EPM2A: variants seen among roughly 807,000 people sequenced by gnomAD.
EPM2A encodes laforin.
A neutral mutation model predicts 26.5 loss-of-function variants in EPM2A; 21 were observed. That is an observed-to-expected ratio of 0.79 (90% CI 0.56 to 1.14). The LOEUF (loss-of-function observed/expected upper bound fraction) is 1.14. Ranked by LOEUF, EPM2A falls within the 50% of genes most tolerant of loss-of-function variation. The probability of loss-of-function intolerance (pLI) is 0.00; values close to 1 mark genes in which losing one functional copy is unlikely to be tolerated. For synonymous variants in EPM2A, 217 were observed against 177.6 expected, an observed-to-expected ratio of 1.22 and a Z score of -1.76; for missense variants, 458 against 440.8, an observed-to-expected ratio of 1.04 and a Z score of -0.35.
chr6:145,617,276 GT>G (rs1186279720), intron 2 of EPM2A, among the ~76,000 whole-genome samples: 2 of 152,138 alleles, frequency 1.3e-5, no homozygotes, highest in African/African-American at 2.4e-5. Flanking sequence ...CATATGAGAT[GT>G]GCCGTTCACC....
At chr6:145,472,409 T>C (rs1391664470) in intron 4 of EPM2A, among the ~76,000 whole-genome samples, 1 of 151,730 alleles carries the variant, frequency 6.6e-6, no homozygotes, top group Non-Finnish European at 1.5e-5. Flanking sequence ...GACTTTGTTT[T>C]GCACCTTAGG....
intron 2 of EPM2A, among the ~76,000 whole-genome samples, chr6:145,512,441 G>A (rs4896817): frequency 0.017 from 2,534 of 151,994 alleles, 32 homozygotes; most frequent in Admixed American, 0.04. Context: ...CAGGCCGGGC[G>A]TGGTGGCTCA....
chr6:145,654,416 T>C (rs1168941905), intron 2 of EPM2A, among the ~76,000 whole-genome samples: 1 of 152,104 alleles, frequency 6.6e-6, no homozygotes, highest in African/African-American at 2.4e-5. Context: ...AATACTGTAT[T>C]AAAGCACAGA....
chr6:145,696,498 T>C (rs1230084554), intron 1 of EPM2A, among the ~76,000 whole-genome samples: 1 of 152,126 alleles, frequency 6.6e-6, no homozygotes, highest in Non-Finnish European at 1.5e-5. Context: ...TCCACATATA[T>C]ACTCATATCA....
rs1781379010 is a variant in EPM2A, at chr6:145,598,588, G to A, written c.340+36657C>T. ...TACTCTGTTGATAGTTTCTTTTGCT[G>A]TACAGAAACTCTTAAGTTTAATTAG... On this transcript the variant is annotated intron_variant, in intron 2 of 3. Coordinates refer to the EPM2A transcript ENST00000450221. 2.6e-5 allele frequency among the ~76,000 whole-genome samples: 4 copies of A among 151,940 alleles called. No homozygotes were observed. The South Asian group carries it at 8.3e-4, about 32-fold the overall frequency.
At chr6:145,663,466 A>G (rs997239169) in intron 2 of EPM2A, among the ~76,000 whole-genome samples, 1 of 152,246 alleles carries the variant, frequency 6.6e-6, no homozygotes, top group Non-Finnish European at 1.5e-5. Context: ...GGGGTCAGGG[A>G]GTTCCCTTTC....
chr6:145,595,437 C>T lies in EPM2A; in HGVS notation c.340+39808G>A, dbSNP rs899809337. Among the ~76,000 whole-genome samples the T allele has an allele frequency of 4.6e-5, 7 of 151,484 alleles. No homozygotes were observed. In the South Asian group the frequency reaches 1.3e-3, roughly 27 times the overall value. Reference sequence around the variant, plus strand: ...TAAAAAAAAAAAACTTATAGCAACTCAGATTGCTTTATCCTTTTAATTTAA... The same window carrying T: ...TAAAAAAAAAAAACTTATAGCAACTTAGATTGCTTTATCCTTTTAATTTAA... On this transcript the variant is annotated intron_variant, in intron 2 of 3. Coordinates refer to the EPM2A transcript ENST00000450221.
At chr6:145,387,027 C>T (rs1778271851) in intron 4 of EPM2A, among the ~76,000 whole-genome samples, 3 of 152,144 alleles carry the variant, frequency 2.0e-5, no homozygotes, top group Admixed American at 2.0e-4. Flanking sequence ...CAGATACCCA[C>T]TTGTTTTGGG....
downstream of EPM2A, among the ~76,000 whole-genome samples, chr6:145,497,004 G>C (rs114811675): frequency 1.3e-5 from 2 of 152,234 alleles, no homozygotes; most frequent in Non-Finnish European, 2.9e-5. Flanking sequence ...GTTAGAATGT[G>C]CTCCTTTAGC....
chr6:145,472,583 T>C (rs974153065), intron 4 of EPM2A, among the ~76,000 whole-genome samples: 5 of 151,794 alleles, frequency 3.3e-5, no homozygotes, highest in Non-Finnish European at 7.4e-5. Flanking sequence ...ACAAGCTAAC[T>C]TAAGAGACCA....
chr6:145,522,622 A>ACGG (rs1197344447), intron 2 of EPM2A, among the ~76,000 whole-genome samples: 1 of 152,156 alleles, frequency 6.6e-6, no homozygotes, highest in Non-Finnish European at 1.5e-5. Flanking sequence ...TTTGATTATT[A>ACGG]CGGCAATTTC....
chr6:145,500,920 T>C (rs1016924168), downstream of EPM2A, among the ~76,000 whole-genome samples: 1 of 152,144 alleles, frequency 6.6e-6, no homozygotes, highest in Non-Finnish European at 1.5e-5. Flanking sequence ...GATGTGTAGA[T>C]TCTATTTATT....
intron 2 of EPM2A, among the ~76,000 whole-genome samples, chr6:145,527,890 CA>C (rs538519820): frequency 2.0e-4 from 29 of 145,328 alleles, no homozygotes; most frequent in Middle Eastern, 7.1e-3. Context: ...GTTGTGAATG[CA>C]AAAAAAAAGT....
chr6:145,452,154 T>A (rs1025487889), intron 4 of EPM2A, among the ~76,000 whole-genome samples: 1 of 152,182 alleles, frequency 6.6e-6, no homozygotes, highest in African/African-American at 2.4e-5. Context: ...ATTCTCCAAA[T>A]CCAGACATCA....
chr6:145,445,068 G>C (rs1779113632), intron 4 of EPM2A, among the ~76,000 whole-genome samples: 1 of 152,016 alleles, frequency 6.6e-6, no homozygotes, highest in South Asian at 2.1e-4. Context: ...TGTATATTAG[G>C]TCACACCTCA....
chr6:145,700,864 G>T (rs1295833605), intron 1 of EPM2A, among the ~76,000 whole-genome samples: 1 of 152,156 alleles, frequency 6.6e-6, no homozygotes, highest in East Asian at 1.9e-4. Flanking sequence ...ACTCCCTTGA[G>T]CTGATCTAGT....
chr6:145,458,439 G>A (rs192753048), intron 4 of EPM2A, among the ~76,000 whole-genome samples: 1 of 152,260 alleles, frequency 6.6e-6, no homozygotes, highest in East Asian at 1.9e-4. Flanking sequence ...CTATTCCTAC[G>A]CTGGATTTAA....
intron 2 of EPM2A, among the ~76,000 whole-genome samples, chr6:145,534,646 G>A (rs1243539036): frequency 1.3e-5 from 2 of 152,194 alleles, no homozygotes; most frequent in South Asian, 2.1e-4. Context: ...TTTTGGTGAC[G>A]GAGCAGATGC....
intron 2 of EPM2A, among the ~76,000 whole-genome samples, chr6:145,619,159 C>CA (rs56846417): frequency 1.5e-3 from 212 of 137,090 alleles, no homozygotes; most frequent in Admixed American, 3.2e-3. Context: ...GGAGGTCTGG[C>CA]AAAAAAAAAA....
Sources: gnomAD v4.1 joint callset for allele counts (sites outside exome capture counted in the v4.1 genomes callset) on GRCh38, gnomAD v4.1.1 for gene constraint, MANE v1.5 for transcripts, NCBI Gene and HGNC (gene_info 2026-07-23, HGNC 2026-07-21) for gene names.